Variants in SLCO1A2 observed in about 807,000 individuals in gnomAD.
SLCO1A2 encodes the protein solute carrier organic anion transporter family member 1A2.
In SLCO1A2, 67 loss-of-function variants were observed where a neutral mutation model predicts 69.0. The observed-to-expected ratio is 0.97, with a 90% confidence interval of 0.80 to 1.19. The LOEUF (loss-of-function observed/expected upper bound fraction) is 1.19, where lower values mean the gene tolerates loss of function less well. SLCO1A2 is among the 50% of genes most tolerant of loss of function. SLCO1A2 has a pLI of 0.00. For synonymous variants in SLCO1A2, 260 were observed against 265.9 expected (o/e 0.98, Z 0.22); for missense variants, 787 against 793.7 (o/e 0.99, Z 0.10).
chr12:21,363,659 TAAAG>T (rs967891759), intron 2 of SLCO1A2, among the ~76,000 whole-genome samples: 1 of 151,782 alleles, frequency 6.6e-6, no homozygotes, highest in Non-Finnish European at 1.5e-5. Context: ...GCAAGACTAA[TAAAG>T]AAGAAAAGAG....
intron 1 of SLCO1A2, among the ~76,000 whole-genome samples, chr12:21,413,342 A>G (rs1941942147): frequency 6.8e-6 from 1 of 146,402 alleles, no homozygotes; most frequent in Non-Finnish European, 1.5e-5. Flanking sequence ...CCTGGGTTCA[A>G]GTAATTCTCC....
chr12:21,395,605 G>A (rs901449501), upstream of SLCO1A2, among the ~76,000 whole-genome samples: 1 of 152,216 alleles, frequency 6.6e-6, no homozygotes, highest in Non-Finnish European at 1.5e-5. Flanking sequence ...AGTAACCTCT[G>A]CAGACTTAAA....
chr12:21,340,783 G>C (rs117790215), intron 2 of SLCO1A2, among the ~76,000 whole-genome samples: 3,933 of 151,898 alleles, frequency 0.026, 75 homozygotes, highest in Non-Finnish European at 0.038. Flanking sequence ...AATTAAGATG[G>C]AGAAAGAAAG....
upstream of SLCO1A2, among the ~76,000 whole-genome samples, chr12:21,400,258 T>C (rs1370702127): frequency 3.3e-4 from 50 of 151,908 alleles, no homozygotes; most frequent in South Asian, 6.3e-4. Context: ...TTTATGCAGC[T>C]AAAAAACACG....
intron 1 of SLCO1A2, among the ~76,000 whole-genome samples, chr12:21,417,488 A>G (rs1942006467): frequency 6.7e-6 from 1 of 149,966 alleles, no homozygotes; most frequent in Non-Finnish European, 1.5e-5. Context: ...TTTTAAAAAG[A>G]GGCAATACCA....
intron 2 of SLCO1A2, among the ~76,000 whole-genome samples, chr12:21,320,975 G>T (rs1290898303): frequency 2.0e-5 from 3 of 152,104 alleles, no homozygotes; most frequent in Non-Finnish European, 4.4e-5. Context: ...TAGAAGAATG[G>T]TCTAGACTCT....
chr12:21,337,104 C>G (rs907690345), upstream of SLCO1A2, among the ~76,000 whole-genome samples: 3 of 152,136 alleles, frequency 2.0e-5, no homozygotes, highest in African/African-American at 7.2e-5. Flanking sequence ...GAACTCTACT[C>G]TCTTACATTT....
upstream of SLCO1A2, among the ~76,000 whole-genome samples, chr12:21,398,621 C>T (rs1211075242): frequency 5.3e-5 from 8 of 151,926 alleles, no homozygotes; most frequent in African/African-American, 1.9e-4. Flanking sequence ...ATGCAAAAAT[C>T]CTCAATAAAA....
intron 8 of SLCO1A2, among the ~76,000 whole-genome samples, chr12:21,299,468 A>AT (rs1224066097): frequency 1.3e-5 from 2 of 151,628 alleles, no homozygotes; most frequent in Non-Finnish European, 2.9e-5. Context: ...TCATTTTTAA[A>AT]TTTTTTTACA....
At chr12:21,333,990 A>G (rs562012361) in intron 2 of SLCO1A2, among the ~76,000 whole-genome samples, 1 of 152,166 alleles carries the variant, frequency 6.6e-6, no homozygotes, top group East Asian at 1.9e-4. Context: ...CACTAGCTAT[A>G]GAATCAGGAC....
chr12:21,373,490 A>G (rs1939952645), intron 2 of SLCO1A2: 1 of 1,116,314 alleles, frequency 9.0e-7, no homozygotes, highest in East Asian at 2.3e-5. Context: ...GAAAATTAGA[A>G]TTAAATACTG....
intron 2 of SLCO1A2, among the ~76,000 whole-genome samples, chr12:21,329,295 G>A (rs1378171754): frequency 1.3e-5 from 2 of 151,992 alleles, no homozygotes; most frequent in South Asian, 4.2e-4. Context: ...CCCACATATT[G>A]ACTATCTTCT....
intron 1 of SLCO1A2, among the ~76,000 whole-genome samples, chr12:21,376,687 A>T (rs1229836683): frequency 6.6e-6 from 1 of 152,040 alleles, no homozygotes; most frequent in African/African-American, 2.4e-5. Flanking sequence ...TTCACATGAG[A>T]TTATTAAATA....
chr12:21,357,438 C>T (rs1938461076), intron 2 of SLCO1A2, among the ~76,000 whole-genome samples: 1 of 152,188 alleles, frequency 6.6e-6, no homozygotes, highest in African/African-American at 2.4e-5. Context: ...ACCCTGCTGA[C>T]ACCTAATCTT....
At position 21,267,583 on chromosome 12, in the gene SLCO1A2, C is replaced by T. The variant is rs1226129768; in HGVS notation, c.*1965G>A. On this transcript the variant is annotated 3_prime_UTR_variant, in exon 15 of 15. Coordinates refer to ENST00000683939, the MANE Select transcript of SLCO1A2 (RefSeq NM_001386879.1). ...AAATAGCCACAGAATTCCAAACTAT[C>T]TCTCATTCCCCTTCTTCTAATTTCC... 6.6e-6 allele frequency: 1 copy of T among 152,170 alleles called. No individual in the cohort carries two copies. The highest frequency in any genetic ancestry group is 2.4e-5 in the African/African-American group (1 of 41,442). 9.4% of individuals were successfully genotyped at this position (152,170 alleles called of 1,614,324 possible).
chr12:21,373,032 TTTTA>T (rs1939914837), intron 2 of SLCO1A2: 1 of 293,622 alleles, frequency 3.4e-6, no homozygotes, highest in African/African-American at 2.2e-5. Flanking sequence ...TCTGGGAAAG[TTTTA>T]TTTATTTAGA....
upstream of SLCO1A2, among the ~76,000 whole-genome samples, chr12:21,335,825 T>A (rs1166057072): frequency 6.6e-6 from 1 of 152,158 alleles, no homozygotes; most frequent in African/African-American, 2.4e-5. Context: ...TTATTGAACA[T>A]CTACTCTGTG....
At chr12:21,270,248 A>ATAAC (rs1942569013) in intron 14 of SLCO1A2, among the ~76,000 whole-genome samples, 10 of 151,854 alleles carry the variant, frequency 6.6e-5, no homozygotes, top group Admixed American at 6.6e-4. Context: ...ATATAACCAA[A>ATAAC]TAACTTTTCT....
chr12:21,283,763 G>T (rs1319371603), intron 12 of SLCO1A2, among the ~76,000 whole-genome samples: 1 of 152,026 alleles, frequency 6.6e-6, no homozygotes, highest in Non-Finnish European at 1.5e-5. Flanking sequence ...AGCAAAATTT[G>T]AGACATTTCT....
Sources: allele counts gnomAD v4.1 joint callset (sites outside exome capture counted in the v4.1 genomes callset), GRCh38; gene constraint gnomAD v4.1.1; transcripts MANE v1.5; gene names NCBI Gene and HGNC (gene_info 2026-07-23, HGNC 2026-07-21).